Variants in HPS1 observed in about 807,000 individuals in gnomAD.
HPS1 encodes HPS1 biogenesis of lysosomal organelles complex 3 subunit 1.
A neutral mutation model predicts 90.6 loss-of-function variants in HPS1; 59 were observed. The observed-to-expected ratio is 0.65, with a 90% CI of 0.53 to 0.81. The LOEUF (loss-of-function observed/expected upper bound fraction) is 0.81, where lower values mean the gene tolerates loss of function less well. HPS1 is among the 30% of genes least tolerant of loss of function. The pLI, the probability that HPS1 is intolerant of heterozygous loss-of-function variation, is 0.00. For missense variants in HPS1, 849 were observed against 896.7 expected (o/e 0.95, Z 0.68); for synonymous variants, 388 against 384.4 (o/e 1.01, Z -0.11).
chr10:98,425,019 G>A (rs184316149), intron 13 of HPS1, among the ~76,000 whole-genome samples: 17 of 152,330 alleles, frequency 1.1e-4, no homozygotes, highest in African/African-American at 3.8e-4. Context: ...GTCAGAGCAC[G>A]GGGTGATGGA....
chr10:98,422,638 C>A, intron 16 of HPS1, 125 bp from the exon 17 acceptor site: 1 of 953,376 alleles, frequency 1.0e-6, no homozygotes, highest in Non-Finnish European at 1.7e-6. Context: ...CAGCAGCTTC[C>A]ATTTCAGCTA....
chr10:98,439,628 G>A (rs866573454), intron 3 of HPS1, among the ~76,000 whole-genome samples: 1 of 152,182 alleles, frequency 6.6e-6, no homozygotes, highest in African/African-American at 2.4e-5. Flanking sequence ...CAGGGTCATA[G>A]GTGGAAGGGA....
Position 98,425,826 on chromosome 10 carries a change from G to A in HPS1, c.1147C>T (p.Leu383=). The A allele has an allele frequency of 6.2e-7, 1 of 1,613,812 alleles. No homozygotes were observed. ...PLWQGINLVL[L]TRSPSAPLAL... Reference sequence around the variant, plus strand: ...GTGAGGGGCTCTCCTACCCTGGTCAGGAGCACCAGGTTGATGCCCTGCCAC... The same window carrying A: ...GTGAGGGGCTCTCCTACCCTGGTCAAGAGCACCAGGTTGATGCCCTGCCAC... Residue 383 remains leucine (L), a synonymous_variant, in exon 12 of 20, where the codon CTG becomes TTG. Coordinates refer to ENST00000361490, the MANE Select transcript of HPS1 (RefSeq NM_000195.5).
rs553941878 is a variant in HPS1 at position 98,424,387 on chromosome 10, CAG to C, written c.1336-15_1336-14del. The stretch of plus-strand genomic sequence containing the variant: ...CCAGCCAGGTGCTCTGGAAGGAAGA[CAG>C]GGGGCAGGTTTGCATCCCGACCATA... On this transcript the variant is annotated splice_polypyrimidine_tract_variant and intron_variant, in intron 13 of 19. Transcript: ENST00000361490. 2.4e-5 allele frequency: 39 copies of C among 1,610,970 alleles called. No individual in the cohort carries two copies. The East Asian group carries it at 3.6e-4, about 15-fold the overall frequency.
chr10:98,418,228 G>T lies in HPS1; in HGVS notation c.1887C>A (p.Pro629=). 1 of 1,610,010 alleles carries T rather than the reference G, an allele frequency of 6.2e-7. No homozygotes were observed. The highest frequency in any genetic ancestry group is 1.1e-5 in the South Asian group (1 of 90,516). Reference sequence around the variant, plus strand: ...TAGGCACTGAGTCGTCGGAGAGGACGGGCACCTCGATCATCTGGAGTTTGT... The same window carrying T: ...TAGGCACTGAGTCGTCGGAGAGGACTGGCACCTCGATCATCTGGAGTTTGT... The part of the protein sequence containing the change: ...MGYKLQMIEV[P]VLSDDSVPIG... Residue 629 remains proline (P), a synonymous_variant, in exon 19 of 20, where the codon CCC becomes CCA. Transcript: ENST00000361490.
intron 7 of HPS1, 110 bp downstream of exon 7, chr10:98,431,021 A>T: frequency 3.5e-6 from 4 of 1,146,840 alleles, no homozygotes; most frequent in Non-Finnish European, 5.1e-6. Context: ...TTCAGGCTTC[A>T]TGGAGGAGGT....
chr10:98,425,482 T>C (rs1309466518), intron 13 of HPS1, 59 bp downstream of exon 13: 1 of 1,537,344 alleles, frequency 6.5e-7, no homozygotes, highest in Admixed American at 1.9e-5. Context: ...GGACCGGATG[T>C]ACCCTGCTGC....
At chr10:98,432,426 A>T (rs180762139) in intron 6 of HPS1, among the ~76,000 whole-genome samples, 1 of 152,280 alleles carries the variant, frequency 6.6e-6, no homozygotes, top group Non-Finnish European at 1.5e-5. Flanking sequence ...GGCCTGGCAC[A>T]CCTCTTAGCA....
At chr10:98,427,350 G>GC in intron 10 of HPS1, 86 bp from the exon 11 acceptor site, 2 of 1,177,762 alleles carry the variant, frequency 1.7e-6, no homozygotes, top group Non-Finnish European at 1.2e-6. Flanking sequence ...GGGCCCAGGT[G>GC]CCCCCCACAA....
rs915177905 is a variant in HPS1 at position 98,445,359 on chromosome 10, C to G, written c.-60G>C. On this transcript the variant is annotated 5_prime_UTR_variant, in exon 2 of 20. Transcript: ENST00000361490. This position sits in a 1 kb window ranked among gnomAD's most constrained non-coding sequence, Gnocchi z 4.5. ...AGGTTCAGAAAGGGCTGCAGCAGAC[C>G]GACTCGGTGACTGGCTCATGGGAGA... 6.5e-6 allele frequency: 1 copy of G among 152,846 alleles called. No homozygotes were observed. Among genetic ancestry groups the G allele is most frequent in the Non-Finnish European group, 1.5e-5 (1 of 68,410 alleles). 9.5% of individuals were successfully genotyped at this position (152,846 alleles called of 1,614,324 possible). A position where few individuals can be genotyped will look rare whatever the true frequency, so the allele number is the denominator to read the frequency against.
At chr10:98,421,157 G>T (rs896791020) in intron 17 of HPS1, among the ~76,000 whole-genome samples, 1 of 152,218 alleles carries the variant, frequency 6.6e-6, no homozygotes, top group Non-Finnish European at 1.5e-5. Flanking sequence ...AGGGACAGGC[G>T]ATCTGCTCCA....
chr10:98,427,386 C>CTGCGTGGAGCTG, intron 10 of HPS1, 122 bp from the exon 11 acceptor site: 3 of 779,758 alleles, frequency 3.8e-6, no homozygotes, highest in Non-Finnish European at 6.5e-6. Context: ...GCCAGCTCCA[C>CTGCGTGGAGCTG]GCAGGGGTGC....
rs759390166 is a variant in HPS1, at chr10:98,419,996, C to T, written c.1857+49G>A. ...AGAAAGGAATCCAAGAGTTACAGAG[C>T]GGGAAGTGTGTGTGGCCCGTCCTGG... On this transcript the variant is annotated intron_variant, in intron 18 of 19. Coordinates refer to ENST00000361490, the MANE Select transcript of HPS1 (RefSeq NM_000195.5). 20 of 1,090,122 alleles carry T rather than the reference C, an allele frequency of 1.8e-5. No individual in the cohort carries two copies. In the East Asian group the frequency reaches 2.4e-4, roughly 13 times the overall value. The allele number at this position is 1,090,122 out of a possible 1,614,324, so 67.5% of individuals were successfully genotyped here. A position where few individuals can be genotyped will look rare whatever the true frequency, so the allele number is the denominator to read the frequency against.
intron 16 of HPS1, among the ~76,000 whole-genome samples, chr10:98,423,150 A>G (rs1297523668): frequency 1.3e-5 from 2 of 152,198 alleles, no homozygotes; most frequent in Non-Finnish European, 2.9e-5. Flanking sequence ...AGGGTCAAAT[A>G]GTCTTAGGAA....
intron 3 of HPS1, among the ~76,000 whole-genome samples, chr10:98,439,866 G>A (rs955242741): frequency 2.0e-5 from 3 of 152,144 alleles, no homozygotes; most frequent in African/African-American, 4.8e-5. Context: ...ATATGTCAAC[G>A]GAGAAACCAG....
chr10:98,427,927 A>C (rs1845830078), intron 10 of HPS1, among the ~76,000 whole-genome samples: 1 of 152,126 alleles, frequency 6.6e-6, no homozygotes, highest in African/African-American at 2.4e-5. Flanking sequence ...GATGAGTGCA[A>C]CCCAAACCAT....
chr10:98,438,874 G>A (rs1937873135), intron 3 of HPS1, among the ~76,000 whole-genome samples: 1 of 152,222 alleles, frequency 6.6e-6, no homozygotes, highest in African/African-American at 2.4e-5. Flanking sequence ...GGCCTAGGAA[G>A]AAAAAACTGT....
chr10:98,437,783 CT>C (rs1200935111), intron 3 of HPS1, among the ~76,000 whole-genome samples: 14 of 152,060 alleles, frequency 9.2e-5, no homozygotes, highest in Admixed American at 9.2e-4. Context: ...AGGAATAGAA[CT>C]TTTTTTTGGT....
chr10:98,435,154 G>C lies in HPS1; in HGVS notation c.398+118C>G. The C allele has an allele frequency of 3.2e-6, 4 of 1,249,436 alleles. No individual in the cohort carries two copies. In the South Asian group the frequency reaches 4.9e-5, roughly 15 times the overall value. The allele number at this position is 1,249,436 out of a possible 1,614,324, so 77.4% of individuals were successfully genotyped here. On this transcript the variant is annotated intron_variant, in intron 5 of 19. Transcript: ENST00000361490. This position sits in a 1 kb window ranked among gnomAD's most constrained non-coding sequence, Gnocchi z 4.3. ...TCACTTGAGCTGTTTCTCTGACCTA[G>C]GGACCCAGCTGGGGGCAGTATGTGA...
Sources: allele counts gnomAD v4.1 joint callset (sites outside exome capture counted in the v4.1 genomes callset), GRCh38; gene constraint gnomAD v4.1.1; non-coding constraint Gnocchi (gnomAD v3.1); transcripts MANE v1.5; gene names NCBI Gene and HGNC (gene_info 2026-07-23, HGNC 2026-07-21).